SH3BP4: variants seen among roughly 807,000 people sequenced by gnomAD.
SH3BP4 encodes SH3 domain-binding protein 4.
SH3BP4 carries 33 observed loss-of-function variants against 65.5 expected under a neutral mutation model. That is an observed-to-expected ratio of 0.50 (90% confidence interval 0.38 to 0.67). The LOEUF is 0.67. Among genes scored for constraint, SH3BP4 ranks in the 30% least tolerant of loss-of-function variants. The probability of loss-of-function intolerance (pLI) is 0.00; values close to 1 mark genes in which losing one functional copy is unlikely to be tolerated. For missense variants in SH3BP4, 1,134 were observed against 1,261.4 expected (o/e 0.90, Z 1.53); for synonymous variants, 552 against 545.5 (o/e 1.01, Z -0.17).
intron 1 of SH3BP4, among the ~76,000 whole-genome samples, chr2:234,965,005 G>GACA (rs1340518330): frequency 6.6e-6 from 1 of 152,098 alleles, no homozygotes; most frequent in Non-Finnish European, 1.5e-5. Flanking sequence ...CAGTGCTCCC[G>GACA]TGACCCACAT....
intron 1 of SH3BP4, among the ~76,000 whole-genome samples, chr2:234,982,619 A>G (rs1028697765): frequency 2.5e-4 from 38 of 151,790 alleles, no homozygotes; most frequent in Non-Finnish European, 4.3e-4. Context: ...GGCTGCGGGG[A>G]AGCCTCAGTG....
chr2:235,037,936 A>C (rs1311384151), intron 3 of SH3BP4, among the ~76,000 whole-genome samples: 1 of 151,850 alleles, frequency 6.6e-6, no homozygotes, highest in Non-Finnish European at 1.5e-5. Flanking sequence ...AGCCAGGGGG[A>C]ATTCAGACAC....
At chr2:235,014,434 TA>T (rs1694624027) in intron 2 of SH3BP4, among the ~76,000 whole-genome samples, 1 of 152,178 alleles carries the variant, frequency 6.6e-6, no homozygotes, top group African/African-American at 2.4e-5. Flanking sequence ...GTTCTGAGAA[TA>T]GGGGTGTGTC....
intron 4 of SH3BP4, among the ~76,000 whole-genome samples, chr2:235,044,763 G>A (rs959316696): frequency 6.6e-6 from 1 of 152,248 alleles, no homozygotes; most frequent in African/African-American, 2.4e-5. Flanking sequence ...CGGCTCGGCT[G>A]CCCATGTTGA....
At chr2:234,973,713 A>G (rs1379344824) in intron 1 of SH3BP4, among the ~76,000 whole-genome samples, 1 of 151,632 alleles carries the variant, frequency 6.6e-6, no homozygotes, top group African/African-American at 2.4e-5. Context: ...GGAGGGCACA[A>G]GGATGAGTGA....
chr2:235,041,094 G>A lies in SH3BP4; in HGVS notation c.325G>A (p.Val109Met), dbSNP rs1319689911. Residue 109 changes from valine to methionine, a missense_variant, in exon 4 of 6, where the codon GTG (valine) becomes ATG (methionine). Physicochemically the swap from Val to Met is conservative, Grantham distance 21. Transcript: ENST00000392011. The surrounding 1 kb of genome is among the most constrained non-coding windows in gnomAD (Gnocchi z 6.0). ...TEMGYIPSSYVQPLNYRNSTL... is the reference protein window; with the variant it reads ...TEMGYIPSSYMQPLNYRNSTL... ...AATGGGCTACATCCCCTCCTCCTAT[G>A]TGCAGCCCTTGAACTACCGGAACTC... The A allele has an allele frequency of 1.2e-6, 2 of 1,614,122 alleles. No individual in the cohort carries two copies. Among genetic ancestry groups the A allele is most frequent in the Non-Finnish European group, 8.5e-7 (1 of 1,180,016 alleles).
At chr2:234,962,479 G>A (rs1229908734) in intron 1 of SH3BP4, among the ~76,000 whole-genome samples, 2 of 151,996 alleles carry the variant, frequency 1.3e-5, no homozygotes, top group Non-Finnish European at 2.9e-5. Flanking sequence ...AACCTTTTCT[G>A]CTTATGTATT....
At chr2:235,032,704 G>A (rs1367778176) in intron 2 of SH3BP4, among the ~76,000 whole-genome samples, 9 of 152,162 alleles carry the variant, frequency 5.9e-5, no homozygotes, top group African/African-American at 1.9e-4. Context: ...TTCTGGTAGG[G>A]GGCGAGGGTG....
At chr2:234,956,916 T>G (rs746528308) in intron 1 of SH3BP4, among the ~76,000 whole-genome samples, 6 of 152,004 alleles carry the variant, frequency 3.9e-5, no homozygotes, top group Non-Finnish European at 8.8e-5. Context: ...ATGTAGGAGG[T>G]CCCTGAGCTC....
chr2:235,047,742 C>T (rs1695914924), intron 4 of SH3BP4, among the ~76,000 whole-genome samples: 1 of 152,250 alleles, frequency 6.6e-6, no homozygotes, highest in Middle Eastern at 3.4e-3. Flanking sequence ...CACAACTGGT[C>T]CTGGATCCAC....
chr2:235,014,018 G>A (rs1050960726), intron 2 of SH3BP4, among the ~76,000 whole-genome samples: 5 of 151,392 alleles, frequency 3.3e-5, no homozygotes, highest in African/African-American at 1.2e-4. Flanking sequence ...ATGTACTATT[G>A]TTTTCTATAA....
chr2:234,992,324 GTT>G (rs1184209090), intron 1 of SH3BP4, among the ~76,000 whole-genome samples: 1 of 152,182 alleles, frequency 6.6e-6, no homozygotes, highest in African/African-American at 2.4e-5. Flanking sequence ...CATGCAGGTC[GTT>G]TTCTTCGGGG....
At position 234,976,004 on chromosome 2, in the gene SH3BP4, C is replaced by T. The variant is rs771169339; in HGVS notation, c.-206-19299C>T. Among the ~76,000 whole-genome samples, 10 of 152,248 alleles carry T rather than the reference C, an allele frequency of 6.6e-5. No homozygotes were observed. Among genetic ancestry groups the T allele is most frequent in the Non-Finnish European group, 1.2e-4 (8 of 68,044 alleles). On this transcript the variant is annotated intron_variant, in intron 1 of 5. Transcript: ENST00000392011. The surrounding 1 kb of genome is among the most constrained non-coding windows in gnomAD (Gnocchi z 4.7). ...ATTTCTTTTCTCCAGCCTCAGTTTC[C>T]TGTCTCGTCAGCCCCATAGAAACTG...
At chr2:235,002,394 T>C (rs898555713) in intron 2 of SH3BP4, among the ~76,000 whole-genome samples, 14 of 152,114 alleles carry the variant, frequency 9.2e-5, no homozygotes, top group African/African-American at 3.4e-4. Context: ...AGCAGCCTCG[T>C]TTTACAGATG....
intron 2 of SH3BP4, among the ~76,000 whole-genome samples, chr2:235,032,968 T>C (rs549634213): frequency 1.8e-4 from 27 of 152,316 alleles, no homozygotes; most frequent in Admixed American, 1.7e-3. Flanking sequence ...GAGAACAGCT[T>C]CATTCCTTCC....
At chr2:235,017,319 C>A (rs905239861) in intron 2 of SH3BP4, among the ~76,000 whole-genome samples, 2 of 151,560 alleles carry the variant, frequency 1.3e-5, no homozygotes, top group African/African-American at 4.8e-5. Flanking sequence ...TGGTGGTGGG[C>A]ACCTGTAATC....
chr2:234,955,453 C>A (rs905910352), intron 1 of SH3BP4, among the ~76,000 whole-genome samples: 1 of 152,162 alleles, frequency 6.6e-6, no homozygotes, highest in African/African-American at 2.4e-5. Context: ...AAGCCGAAAC[C>A]AGCTCCTCGG....
Position 235,045,749 on chromosome 2 carries a change from G to A in SH3BP4, c.2478+2502G>A, listed in dbSNP as rs1370043647. Among the ~76,000 whole-genome samples the A allele has an allele frequency of 6.6e-6, 1 of 152,120 alleles. No homozygotes were observed. The highest frequency in any genetic ancestry group is 1.5e-5 in the Non-Finnish European group (1 of 68,028). On this transcript the variant is annotated intron_variant, in intron 4 of 5. Coordinates refer to ENST00000392011, the MANE Select transcript of SH3BP4 (RefSeq NM_014521.3). This position sits in a 1 kb window ranked among gnomAD's most constrained non-coding sequence, Gnocchi z 4.3. ...CCGCTTGTCATCACAGGGCTGCCAC[G>A]ATTTCTGCGGCCTCTGCCACCGCTT...
At chr2:235,001,396 C>T (rs1458650245) in intron 2 of SH3BP4, among the ~76,000 whole-genome samples, 2 of 152,318 alleles carry the variant, frequency 1.3e-5, no homozygotes, top group Middle Eastern at 3.4e-3. Context: ...ACAAGCCTAT[C>T]GCACTTGGAG....
Sources: allele counts gnomAD v4.1 joint callset (sites outside exome capture counted in the v4.1 genomes callset), GRCh38; gene constraint gnomAD v4.1.1; non-coding constraint Gnocchi (gnomAD v3.1); transcripts MANE v1.5; gene names NCBI Gene and HGNC (gene_info 2026-07-23, HGNC 2026-07-21).